The following EPHA4 variants were observed in gnomAD, a reference collection of about 807,000 sequenced individuals.
The protein encoded by EPHA4 is ephrin type-A receptor 4.
Under a neutral mutation model 108.3 loss-of-function variants are expected in EPHA4, and 19 were observed. The observed-to-expected ratio is 0.18, with a 90% confidence interval of 0.12 to 0.26. EPHA4 has a LOEUF of 0.26. Among genes scored for constraint, EPHA4 ranks in the 10% least tolerant of loss-of-function variants. The pLI is 1.00. For synonymous variants in EPHA4, 449 were observed against 455.5 expected, an observed-to-expected ratio of 0.99 and a Z score of 0.18; for missense variants, 917 against 1,254.0, an observed-to-expected ratio of 0.73 and a Z score of 4.06.
chr2:221,433,106 G>A (rs1690131619), intron 14 of EPHA4, among the ~76,000 whole-genome samples: 1 of 152,112 alleles, frequency 6.6e-6, no homozygotes, highest in Non-Finnish European at 1.5e-5. Context: ...TTACAGGCGT[G>A]AGCCACAGGG....
rs116357321 is a variant in EPHA4, at chr2:221,453,792, C to T, written c.1715+1755G>A. On this transcript the variant is annotated intron_variant, in intron 8 of 17. Transcript: ENST00000281821. Reference sequence around the variant, plus strand: ...GTGTAAAACAGATGCCTGTACAGAACGTGTTTTTCTATACTGTGTTATGTT... The same window carrying T: ...GTGTAAAACAGATGCCTGTACAGAATGTGTTTTTCTATACTGTGTTATGTT... 1.5e-3 allele frequency among the ~76,000 whole-genome samples: 227 copies of T among 152,250 alleles called. 1 individual carries two copies. The highest frequency in any genetic ancestry group is 5.0e-3 in the African/African-American group (209 of 41,544).
chr2:221,433,463 G>A (rs1029435876), intron 14 of EPHA4, among the ~76,000 whole-genome samples: 3 of 152,038 alleles, frequency 2.0e-5, no homozygotes, highest in Admixed American at 1.3e-4. Flanking sequence ...TAGCTAAAAC[G>A]TGTTCTAGGA....
intron 3 of EPHA4, among the ~76,000 whole-genome samples, chr2:221,560,233 C>T (rs1694421765): frequency 6.6e-6 from 1 of 151,662 alleles, no homozygotes; most frequent in Admixed American, 6.6e-5. Context: ...TTCACCTGTT[C>T]TTCTATTTGT....
intron 17 of EPHA4, among the ~76,000 whole-genome samples, 153 bp downstream of exon 17, chr2:221,425,056 G>A (rs991605453): frequency 6.7e-6 from 1 of 150,286 alleles, no homozygotes; most frequent in Non-Finnish European, 1.5e-5. Context: ...CTCTTTCGCT[G>A]TCAAAAAAGG....
intron 3 of EPHA4, among the ~76,000 whole-genome samples, chr2:221,508,702 A>T (rs148265719): frequency 6.6e-6 from 1 of 152,244 alleles, no homozygotes; most frequent in Non-Finnish European, 1.5e-5. Context: ...AAATTATGGG[A>T]CAGAGCCTGG....
intron 13 of EPHA4, among the ~76,000 whole-genome samples, chr2:221,435,192 A>C (rs561170134): frequency 6.6e-6 from 1 of 152,256 alleles, no homozygotes; most frequent in South Asian, 2.1e-4. Context: ...CATTGCAGTA[A>C]ACTCTGAAAA....
intron 4 of EPHA4, among the ~76,000 whole-genome samples, chr2:221,495,001 C>CAAAAAAAAAAAAAA (rs5838887): frequency 2.3e-5 from 2 of 85,522 alleles, no homozygotes; most frequent in African/African-American, 4.5e-5. Flanking sequence ...GCAATGTTGC[C>CAAAAAAAAAAAAAA]AAAAAAAAAA....
chr2:221,556,616 C>A (rs1483637811), intron 3 of EPHA4, among the ~76,000 whole-genome samples: 1 of 146,974 alleles, frequency 6.8e-6, no homozygotes, highest in Admixed American at 6.8e-5. Context: ...TTTTTTTTTT[C>A]ATATTCTTGA....
In EPHA4 at chr2:221,488,225, T is replaced by C. The variant is rs555246725; in HGVS notation, c.980-5535A>G. 2.0e-5 allele frequency among the ~76,000 whole-genome samples: 3 copies of C among 152,288 alleles called. No individual in the cohort carries two copies. In the South Asian group the frequency reaches 6.2e-4, roughly 32 times the overall value. On this transcript the variant is annotated intron_variant, in intron 4 of 17. Coordinates refer to ENST00000281821, the MANE Select transcript of EPHA4 (RefSeq NM_004438.5). ...AGACCATTTCGTGCTATTGAAAATA[T>C]GATGAAAGCAAGGCATCTTCTTTTT...
At chr2:221,536,907 G>A (rs1356147212) in intron 3 of EPHA4, among the ~76,000 whole-genome samples, 2 of 152,174 alleles carry the variant, frequency 1.3e-5, no homozygotes, top group Non-Finnish European at 2.9e-5. Flanking sequence ...CCAAGTCATG[G>A]TGACACAATG....
At chr2:221,463,151 G>A (rs1233293467) in intron 5 of EPHA4, among the ~76,000 whole-genome samples, 2 of 152,136 alleles carry the variant, frequency 1.3e-5, no homozygotes, top group Non-Finnish European at 2.9e-5. Flanking sequence ...TAGTGTGGGC[G>A]AGCAGCATTA....
At chr2:221,426,393 G>A in intron 16 of EPHA4, 71 bp downstream of exon 16, 3 of 1,512,628 alleles carry the variant, frequency 2.0e-6, no homozygotes, top group Middle Eastern at 2.1e-4. Flanking sequence ...TGATTACGCA[G>A]CTCAAAGCAA....
chr2:221,568,808 A>G, intron 1 of EPHA4, 23 bp from the exon 2 acceptor site: 10 of 1,604,054 alleles, frequency 6.2e-6, no homozygotes, highest in Non-Finnish European at 7.7e-6. Context: ...AAAGAAAAAT[A>G]GATGAATTTC....
chr2:221,564,885 C>T (rs949642620), intron 2 of EPHA4, among the ~76,000 whole-genome samples: 1 of 94,676 alleles, frequency 1.1e-5, no homozygotes, highest in Non-Finnish European at 1.9e-5. Flanking sequence ...TCTCTAATAC[C>T]TCAAAAAAAA....
chr2:221,440,591 C>T (rs368751248), intron 11 of EPHA4, among the ~76,000 whole-genome samples: 19 of 150,198 alleles, frequency 1.3e-4, no homozygotes, highest in African/African-American at 3.9e-4. Context: ...AATTATATAT[C>T]CTTCTCACCA....
chr2:221,542,490 T>C (rs886197896), intron 3 of EPHA4, among the ~76,000 whole-genome samples: 2 of 152,244 alleles, frequency 1.3e-5, no homozygotes, highest in African/African-American at 2.4e-5. Context: ...CTCCTGGTTC[T>C]GTATGGGGAA....
rs34969368 is a variant in EPHA4, at chr2:221,571,255, T to TAC, written c.91+901_91+902dup. On this transcript the variant is annotated intron_variant, in intron 1 of 17. Coordinates refer to ENST00000281821, the MANE Select transcript of EPHA4 (RefSeq NM_004438.5). This position sits in a 1 kb window ranked among gnomAD's most constrained non-coding sequence, Gnocchi z 6.3. ...CAGACATGCACACACACACCACACA[T>TAC]ACACACACACACACACACAGTTCGC... Among the ~76,000 whole-genome samples, 34,675 of 142,440 alleles carry TAC rather than the reference T, an allele frequency of 0.24. 4,736 individuals carry two copies. The highest frequency in any genetic ancestry group is 0.45 in the East Asian group (2,138 of 4,706). The allele number at this position is 142,440 out of a possible 152,430, so 93.4% of individuals were successfully genotyped here.
chr2:221,476,955 T>G (rs1484815728), intron 5 of EPHA4, among the ~76,000 whole-genome samples: 2 of 152,206 alleles, frequency 1.3e-5, no homozygotes, highest in African/African-American at 4.8e-5. Context: ...TTGATTTTAC[T>G]GTAAATAAAT....
chr2:221,552,535 G>C (rs1190398430), intron 3 of EPHA4, among the ~76,000 whole-genome samples: 1 of 152,186 alleles, frequency 6.6e-6, no homozygotes, highest in African/African-American at 2.4e-5. Flanking sequence ...GTGCGAGGAG[G>C]GTAAAGGAGC....
Sources: allele counts gnomAD v4.1 joint callset (sites outside exome capture counted in the v4.1 genomes callset), GRCh38; gene constraint gnomAD v4.1.1; non-coding constraint Gnocchi (gnomAD v3.1); transcripts MANE v1.5; gene names NCBI Gene and HGNC (gene_info 2026-07-23, HGNC 2026-07-21).